INTS6: variants seen among roughly 807,000 people sequenced by gnomAD.
The protein encoded by INTS6 is DEAD box protein.
Under a neutral mutation model 104.9 loss-of-function variants are expected in INTS6, and 16 were observed. The ratio of observed to expected loss-of-function variants is 0.15; its 90% CI spans 0.10 to 0.23. The LOEUF (loss-of-function observed/expected upper bound fraction) is 0.23. Ranked by LOEUF, INTS6 falls within the 10% of genes least tolerant of loss-of-function variation. The pLI is 1.00. For missense variants in INTS6, 584 were observed against 1,062.8 expected, an observed-to-expected ratio of 0.55 and a Z score of 6.26; for synonymous variants, 324 against 358.7, an observed-to-expected ratio of 0.90 and a Z score of 1.09.
In INTS6 at chr13:51,365,858, A is replaced by G. The variant is rs1011853409; in HGVS notation, c.2571-13T>C. The G allele has an allele frequency of 1.4e-6, 2 of 1,479,440 alleles. No individual in the cohort carries two copies. Among genetic ancestry groups the G allele is most frequent in the Non-Finnish European group, 1.9e-6 (2 of 1,069,060 alleles). 91.6% of individuals were successfully genotyped at this position (1,479,440 alleles called of 1,614,324 possible). ...TCGTTTTTTAAACCTGTATGAAAAA[A>G]TAAATAGTACTCTCAATTACTTTTT... On this transcript the variant is annotated splice_polypyrimidine_tract_variant and intron_variant, in intron 17 of 17. Transcript: ENST00000311234.
intron 10 of INTS6, among the ~76,000 whole-genome samples, chr13:51,380,664 T>C (rs1478097974): frequency 1.3e-5 from 2 of 152,208 alleles, no homozygotes; most frequent in Non-Finnish European, 2.9e-5. Flanking sequence ...AGAAAGATTA[T>C]TTATAGCCAA....
intron 7 of INTS6, among the ~76,000 whole-genome samples, chr13:51,386,995 T>A (rs1195667302): frequency 6.6e-6 from 1 of 152,142 alleles, no homozygotes; most frequent in Non-Finnish European, 1.5e-5. Flanking sequence ...CATATCAATA[T>A]GAATTTAAGA....
chr13:51,362,024 C>A lies in INTS6; in HGVS notation c.*3728G>T. On this transcript the variant is annotated 3_prime_UTR_variant, in exon 18 of 18. Coordinates refer to ENST00000311234, the MANE Select transcript of INTS6 (RefSeq NM_012141.3). ...TGTTTTTATGGTGCTTCAGAAGCTA[C>A]CCAGTTGCTATCTTCTATCCTAAGA... is the stretch of plus-strand genomic sequence containing the variant. The A allele has an allele frequency of 6.2e-7, 1 of 1,602,596 alleles. No individual in the cohort carries two copies. The highest frequency in any genetic ancestry group is 1.7e-5 in the Admixed American group (1 of 57,482).
chr13:51,412,566 C>G (rs1026955587), intron 4 of INTS6, among the ~76,000 whole-genome samples: 1 of 152,156 alleles, frequency 6.6e-6, no homozygotes, highest in Non-Finnish European at 1.5e-5. Context: ...CACGTGAGCT[C>G]TCTCTCTCCC....
intron 17 of INTS6, among the ~76,000 whole-genome samples, chr13:51,367,098 A>T (rs191765295): frequency 9.9e-4 from 150 of 152,124 alleles, no homozygotes; most frequent in African/African-American, 3.5e-3. Flanking sequence ...TCCCTTGTAT[A>T]AAATGGCCCA....
At chr13:51,412,611 C>T (rs1204550782) in intron 4 of INTS6, among the ~76,000 whole-genome samples, 1 of 152,112 alleles carries the variant, frequency 6.6e-6, no homozygotes, top group African/African-American at 2.4e-5. Flanking sequence ...GGGAGAATAA[C>T]CTGTATGTGC....
In INTS6 at chr13:51,453,009, C is replaced by T. The variant is rs899874879; in HGVS notation, c.-484G>A. 7.9e-6 allele frequency: 8 copies of T among 1,013,028 alleles called. No homozygotes were observed. Among genetic ancestry groups the T allele is most frequent in the Non-Finnish European group, 9.4e-6 (8 of 846,912 alleles). 62.8% of individuals were successfully genotyped at this position (1,013,028 alleles called of 1,614,324 possible). On this transcript the variant is annotated 5_prime_UTR_variant, in exon 1 of 18. In the 5' UTR this introduces an upstream ATG that the reference lacks. Transcript: ENST00000311234. ...CCTCCGCACCCCGGCGGTGTCACCA[C>T]TTTCTCAGCCCCTCTCGCTACTGAA... is the stretch of plus-strand genomic sequence containing the variant.
Position 51,363,785 on chromosome 13 carries a change from T to C in INTS6, c.*1967A>G, listed in dbSNP as rs546140749. The C allele has an allele frequency of 6.6e-6, 1 of 152,554 alleles. No homozygotes were observed. The highest frequency in any genetic ancestry group is 2.1e-4 in the South Asian group (1 of 4,824). 9.5% of individuals were successfully genotyped at this position (152,554 alleles called of 1,614,324 possible). ...AGGTTTTAGGATGAGGTGAGAACAG[T>C]GGCAGAGAGATAAAGGACAAAAAGA... On this transcript the variant is annotated 3_prime_UTR_variant, in exon 18 of 18. Transcript: ENST00000311234.
chr13:51,394,161 C>T (rs1227161105), intron 5 of INTS6, among the ~76,000 whole-genome samples: 2 of 151,868 alleles, frequency 1.3e-5, no homozygotes, highest in Admixed American at 6.6e-5. Context: ...ATCTATGTAA[C>T]GAGAATTGTT....
At chr13:51,345,954 A>AT in the INTS6 span, among the ~76,000 whole-genome samples, 1 of 152,284 alleles carries the variant, frequency 6.6e-6, no homozygotes, top group Admixed American at 6.5e-5. Flanking sequence ...CTAGGGTTCT[A>AT]TTTCAATGCA....
Position 51,361,600 on chromosome 13 carries a change from C to G in INTS6, c.*4152G>C, listed in dbSNP as rs1382677249. ...AGTTACCTTCAATAAGGAATTTATT[C>G]CATGGAATGTGTTGAAAACAGGAGA... On this transcript the variant is annotated 3_prime_UTR_variant, in exon 18 of 18. Coordinates refer to ENST00000311234, the MANE Select transcript of INTS6 (RefSeq NM_012141.3). 6 of 587,134 alleles carry G rather than the reference C, an allele frequency of 1.0e-5. No homozygotes were observed. Among genetic ancestry groups the G allele is most frequent in the Admixed American group, 3.2e-5 (1 of 31,032 alleles). The allele number at this position is 587,134 out of a possible 1,614,324, so 36.4% of individuals were successfully genotyped here. A position where few individuals can be genotyped will look rare whatever the true frequency, so the allele number is the denominator to read the frequency against.
chr13:51,378,094 A>G, intron 12 of INTS6, 145 bp downstream of exon 12: 1 of 627,220 alleles, frequency 1.6e-6, no homozygotes, highest in South Asian at 2.0e-5. Flanking sequence ...TCTAGCAGTG[A>G]CAGTATAATG....
rs528612032 is a variant in INTS6, at chr13:51,355,287, T to C, written n.431-951A>G. 2.9e-5 allele frequency: 17 copies of C among 577,464 alleles called. 1 individual carries two copies. In the South Asian group the frequency reaches 3.0e-4, roughly 10 times the overall value. 35.8% of individuals were successfully genotyped at this position (577,464 alleles called of 1,614,324 possible). A position where few individuals can be genotyped will look rare whatever the true frequency, so the allele number is the denominator to read the frequency against. On this transcript the variant is annotated intron_variant and non_coding_transcript_variant, in intron 3 of 3. Transcript: ENST00000476666. ...CTGTTTTATATAAGAATGTGTTGCT[T>C]CTAATAACAGTCAAATTTGGGTTAG...
At position 51,450,279 on chromosome 13, in the gene INTS6, T is replaced by C. The variant is rs955486316; in HGVS notation, c.339+746A>G. ...GCAATAATATCATAAAATGTTACAA[T>C]AGACCACCTTGCATTATTCCTTAGT... is the stretch of plus-strand genomic sequence containing the variant. On this transcript the variant is annotated intron_variant, in intron 3 of 17. Coordinates refer to ENST00000311234, the MANE Select transcript of INTS6 (RefSeq NM_012141.3). 27 of 984,938 alleles carry C rather than the reference T, an allele frequency of 2.7e-5. No homozygotes were observed. The African/African-American group carries it at 3.5e-4, about 13-fold the overall frequency. The allele number at this position is 984,938 out of a possible 1,614,324, so 61.0% of individuals were successfully genotyped here.
chr13:51,348,460 A>G, the INTS6 span: 1 of 1,541,818 alleles, frequency 6.5e-7, no homozygotes, highest in African/African-American at 1.4e-5. Context: ...AGCAGTCAGA[A>G]GAGCGTGGAT....
chr13:51,405,623 T>G lies in INTS6; in HGVS notation c.430-10140A>C, dbSNP rs933227038. Among the ~76,000 whole-genome samples the G allele has an allele frequency of 2.0e-5, 3 of 152,256 alleles. No homozygotes were observed. The East Asian group carries it at 5.8e-4, about 30-fold the overall frequency. ...CAGTACTCCGAAGCACTCAAAGGTA[T>G]TCAGAGTCTAAGTCTTACTAGGCCT... On this transcript the variant is annotated intron_variant, in intron 4 of 17. Transcript: ENST00000311234.
the INTS6 span, among the ~76,000 whole-genome samples, chr13:51,336,586 T>A: frequency 1.3e-5 from 2 of 152,328 alleles, no homozygotes; most frequent in Admixed American, 6.5e-5. Context: ...CCCCTTCTTA[T>A]GTGAGCATGA....
chr13:51,401,125 C>T (rs977069659), intron 4 of INTS6, among the ~76,000 whole-genome samples: 5 of 152,036 alleles, frequency 3.3e-5, no homozygotes, highest in African/African-American at 1.2e-4. Flanking sequence ...AGATTAAGTA[C>T]AGTAATTACT....
Position 51,389,310 on chromosome 13 carries a change from C to T in INTS6, c.739+9G>A, listed in dbSNP as rs760411602. On this transcript the variant is annotated intron_variant, in intron 6 of 17. Coordinates refer to ENST00000311234, the MANE Select transcript of INTS6 (RefSeq NM_012141.3). ...GTTTTGAATGTCTAAAAGAAAAGTG[C>T]AATAATACCTTCTACAGGGGAAGGA... The T allele has an allele frequency of 1.9e-5, 31 of 1,606,138 alleles. No individual in the cohort carries two copies. Among genetic ancestry groups the T allele is most frequent in the Non-Finnish European group, 2.5e-5 (30 of 1,177,772 alleles).
Sources: gnomAD v4.1 joint callset for allele counts (sites outside exome capture counted in the v4.1 genomes callset) on GRCh38, gnomAD v4.1.1 for gene constraint, MANE v1.5 for transcripts, NCBI Gene and HGNC (gene_info 2026-07-23, HGNC 2026-07-21) for gene names.